The following NPAS3 variants were observed in gnomAD, a reference collection of about 807,000 sequenced individuals.
The protein encoded by NPAS3 is neuronal PAS domain protein 3.
Under a neutral mutation model 73.1 loss-of-function variants are expected in NPAS3, and 14 were observed. The ratio of observed to expected loss-of-function variants is 0.19; its 90% CI spans 0.13 to 0.30. NPAS3 has a LOEUF of 0.30. NPAS3 is among the 10% of genes least tolerant of loss of function. The probability of loss-of-function intolerance (pLI) is 1.00; values close to 1 mark genes in which losing one functional copy is unlikely to be tolerated. For synonymous variants in NPAS3, 620 were observed against 541.5 expected (o/e 1.14, Z -2.01); for missense variants, 1,096 against 1,250.0 (o/e 0.88, Z 1.86).
chr14:33,111,816 C>G (rs1308815849), intron 2 of NPAS3, among the ~76,000 whole-genome samples: 1 of 150,876 alleles, frequency 6.6e-6, no homozygotes, highest in African/African-American at 2.4e-5. Context: ...CCCCCCTCCC[C>G]CTTGCCCGCA....
At chr14:33,309,956 G>A (rs1222082096) in intron 3 of NPAS3, among the ~76,000 whole-genome samples, 2 of 152,128 alleles carry the variant, frequency 1.3e-5, no homozygotes, top group Non-Finnish European at 2.9e-5. Flanking sequence ...TGGAATGTTG[G>A]GCTGGGTGAG....
chr14:33,238,277 T>C (rs1169567164), intron 3 of NPAS3, among the ~76,000 whole-genome samples: 1 of 152,004 alleles, frequency 6.6e-6, no homozygotes, highest in Non-Finnish European at 1.5e-5. Context: ...ACTAGGATAA[T>C]GAATTCTGTT....
intron 3 of NPAS3, among the ~76,000 whole-genome samples, chr14:33,273,486 T>A (rs774652897): frequency 6.6e-6 from 1 of 152,192 alleles, no homozygotes; most frequent in South Asian, 2.1e-4. Flanking sequence ...TTGGAAGCTA[T>A]AATATTTATT....
intron 3 of NPAS3, among the ~76,000 whole-genome samples, chr14:33,298,247 C>T (rs905649085): frequency 3.9e-5 from 6 of 152,196 alleles, no homozygotes; most frequent in African/African-American, 9.7e-5. Context: ...CGTACCACCG[C>T]GCTCCAGCCT....
At chr14:33,178,042 G>A (rs1239216778) in intron 2 of NPAS3, among the ~76,000 whole-genome samples, 3 of 146,790 alleles carry the variant, frequency 2.0e-5, no homozygotes, top group Non-Finnish European at 4.5e-5. Flanking sequence ...AGAGAAGGAT[G>A]TTGGAATTTT....
At chr14:33,518,661 C>T (rs986407712) in intron 4 of NPAS3, among the ~76,000 whole-genome samples, 3 of 136,842 alleles carry the variant, frequency 2.2e-5, no homozygotes, top group African/African-American at 8.0e-5. Flanking sequence ...ACCTGGAATA[C>T]ATCCTCCTTC....
chr14:33,498,244 G>A (rs1027938143), intron 4 of NPAS3, among the ~76,000 whole-genome samples: 1 of 152,102 alleles, frequency 6.6e-6, no homozygotes, highest in Non-Finnish European at 1.5e-5. Flanking sequence ...ACTGTTGGTG[G>A]GAGTGTAAAT....
intron 4 of NPAS3, among the ~76,000 whole-genome samples, chr14:33,470,979 A>C (rs1566931881): frequency 6.6e-6 from 1 of 152,000 alleles, no homozygotes; most frequent in Non-Finnish European, 1.5e-5. Context: ...GGATACCAAC[A>C]ATCTACAATC....
At chr14:33,468,101 C>T (rs781252104) in intron 4 of NPAS3, among the ~76,000 whole-genome samples, 4 of 152,130 alleles carry the variant, frequency 2.6e-5, no homozygotes, top group South Asian at 2.1e-4. Flanking sequence ...CAAATGCAAT[C>T]GTTTCCTCCC....
chr14:33,346,280 G>A (rs534929641), intron 3 of NPAS3, among the ~76,000 whole-genome samples: 1 of 150,970 alleles, frequency 6.6e-6, no homozygotes, highest in African/African-American at 2.4e-5. Context: ...TGTAATCTCA[G>A]CACTTTGGGA....
chr14:33,614,950 T>C (rs1229490978), intron 5 of NPAS3, among the ~76,000 whole-genome samples: 2 of 151,968 alleles, frequency 1.3e-5, no homozygotes, highest in African/African-American at 4.8e-5. Flanking sequence ...AAAGGAGCCA[T>C]GAAAGTTGAG....
intron 4 of NPAS3, among the ~76,000 whole-genome samples, chr14:33,427,324 C>T (rs1229227495): frequency 6.6e-6 from 1 of 151,896 alleles, no homozygotes; most frequent in African/African-American, 2.4e-5. Flanking sequence ...ACATGTTCCT[C>T]CCTAGGTTGT....
chr14:33,235,362 T>C (rs1049690008), intron 3 of NPAS3, among the ~76,000 whole-genome samples: 7 of 152,122 alleles, frequency 4.6e-5, no homozygotes, highest in African/African-American at 1.7e-4. Context: ...TTGATCTCTT[T>C]AGCTTTTGTC....
At chr14:33,096,057 CAG>C (rs1322358825) in intron 2 of NPAS3, among the ~76,000 whole-genome samples, 3 of 151,022 alleles carry the variant, frequency 2.0e-5, no homozygotes, top group Non-Finnish European at 4.4e-5. Flanking sequence ...ACATGGACAA[CAG>C]GGGTTTGTTC....
intron 1 of NPAS3, among the ~76,000 whole-genome samples, chr14:33,007,382 A>C (rs763970880): frequency 2.6e-5 from 4 of 152,220 alleles, no homozygotes; most frequent in Non-Finnish European, 5.9e-5. Context: ...TTTTCTAAAA[A>C]ATTGTATATA....
At chr14:33,287,017 C>T (rs951579952) in intron 3 of NPAS3, among the ~76,000 whole-genome samples, 41 of 152,158 alleles carry the variant, frequency 2.7e-4, no homozygotes, top group African/African-American at 9.2e-4. Context: ...GGGAAAAAAT[C>T]TAATTTGCAG....
intron 3 of NPAS3, among the ~76,000 whole-genome samples, chr14:33,324,153 T>C (rs894047161): frequency 4.6e-5 from 7 of 152,186 alleles, no homozygotes; most frequent in Non-Finnish European, 7.3e-5. Context: ...TGGCTGTCCT[T>C]CCTGCAGTCT....
At chr14:33,090,403 G>A (rs1324234460) in intron 2 of NPAS3, among the ~76,000 whole-genome samples, 1 of 152,156 alleles carries the variant, frequency 6.6e-6, no homozygotes, top group Non-Finnish European at 1.5e-5. Flanking sequence ...GACAAAGAAG[G>A]CCATTACATA....
intron 5 of NPAS3, among the ~76,000 whole-genome samples, chr14:33,665,457 A>T (rs1456178086): frequency 2.0e-5 from 3 of 152,146 alleles, no homozygotes; most frequent in Admixed American, 2.0e-4. Flanking sequence ...AAAAAACAAA[A>T]CAAAACAAAA....
Sources: gnomAD v4.1 joint callset for allele counts (sites outside exome capture counted in the v4.1 genomes callset) on GRCh38, gnomAD v4.1.1 for gene constraint, MANE v1.5 for transcripts, NCBI Gene and HGNC (gene_info 2026-07-23, HGNC 2026-07-21) for gene names.